Variants in GLIS3 observed in about 807,000 individuals in gnomAD.
GLIS3 encodes GLIS family zinc finger 3, also known as zinc finger protein GLIS3.
A neutral mutation model predicts 78.6 loss-of-function variants in GLIS3; 53 were observed. The ratio of observed to expected loss-of-function variants is 0.67; its 90% CI spans 0.54 to 0.85. GLIS3 has a LOEUF of 0.85. Ranked by LOEUF, GLIS3 falls within the 40% of genes least tolerant of loss-of-function variation. The pLI, the probability that GLIS3 is intolerant of heterozygous loss-of-function variation, is 0.00. For missense variants in GLIS3, 1,703 were observed against 1,231.1 expected (o/e 1.38, Z -5.74); for synonymous variants, 684 against 509.9 (o/e 1.34, Z -4.60).
the GLIS3 span, among the ~76,000 whole-genome samples, chr9:4,452,824 T>C: frequency 5.3e-5 from 8 of 151,622 alleles, no homozygotes; most frequent in Admixed American, 2.0e-4. Context: ...TTAAATTTCA[T>C]ATGGAACCAA....
At position 4,286,023 on chromosome 9, in the gene GLIS3, G is replaced by C. The variant is rs779098642; in HGVS notation, c.388+15C>G. 15 of 1,613,968 alleles carry C rather than the reference G, an allele frequency of 9.3e-6. No homozygotes were observed. In the South Asian group the frequency reaches 1.2e-4, roughly 13 times the overall value. On this transcript the variant is annotated intron_variant, in intron 2 of 10. Transcript: ENST00000381971. ...TCGTTTCCATTTTTAAAAGGTTCCA[G>C]AAAGACAATCCTACCTTTCCCAGGA...
the GLIS3 span, among the ~76,000 whole-genome samples, chr9:4,397,078 T>C: frequency 7.1e-5 from 10 of 140,926 alleles, no homozygotes; most frequent in Non-Finnish European, 1.2e-4. Context: ...CAGGCTGGAG[T>C]GCAGTGGCGC....
intron 4 of GLIS3, among the ~76,000 whole-genome samples, chr9:4,066,825 G>A (rs946181420): frequency 3.3e-5 from 5 of 152,294 alleles, no homozygotes; most frequent in African/African-American, 1.2e-4. Flanking sequence ...TTGCACTGCT[G>A]CAGCAGCATG....
intron 4 of GLIS3, among the ~76,000 whole-genome samples, chr9:4,028,188 T>C (rs1342101524): frequency 6.6e-6 from 1 of 152,186 alleles, no homozygotes; most frequent in Non-Finnish European, 1.5e-5. Context: ...AATGCACATA[T>C]AGGAGCCTAC....
chr9:4,368,602 C>T, the GLIS3 span, among the ~76,000 whole-genome samples: 6 of 152,176 alleles, frequency 3.9e-5, no homozygotes, highest in African/African-American at 1.2e-4. Flanking sequence ...CCACCCGCCT[C>T]GGCCTCCCAA....
At chr9:4,240,527 T>C (rs1823201757) in intron 2 of GLIS3, among the ~76,000 whole-genome samples, 1 of 152,074 alleles carries the variant, frequency 6.6e-6, no homozygotes, top group South Asian at 2.1e-4. Flanking sequence ...AAAAAAAAAC[T>C]AGTAAAAATT....
At chr9:3,889,568 AT>A (rs1257077995) in intron 7 of GLIS3, among the ~76,000 whole-genome samples, 8 of 152,226 alleles carry the variant, frequency 5.3e-5, no homozygotes, top group Non-Finnish European at 1.0e-4. Context: ...CTTATAATAC[AT>A]TCTCCTCTTT....
At chr9:4,343,283 A>G (rs1017690580) in intron 2 of GLIS3, among the ~76,000 whole-genome samples, 4 of 152,244 alleles carry the variant, frequency 2.6e-5, no homozygotes, top group African/African-American at 9.6e-5. Flanking sequence ...TCGAGGCTTC[A>G]GTAAGCTCTG....
rs1231345294 is a variant in GLIS3 at position 3,828,278 on chromosome 9, T to G, written c.2787A>C (p.Glu929Asp). The change falls in exon 11 of 11, where the codon GAA (glutamate) becomes GAC (aspartate). Residue 929 changes from glutamate to aspartate, a missense_variant. Physicochemically the swap from Glu to Asp is conservative, Grantham distance 45. Coordinates refer to ENST00000381971, the MANE Select transcript of GLIS3 (RefSeq NM_001042413.2). The part of the protein sequence containing the change: ...CPSQLSSVYT[E>D]G ...GGAGTGGCCAAGAGAGCTTTTAGCC[T>G]TCGGTGTAGACAGAGGAGAGCTGGC... 2 of 1,613,958 alleles carry G rather than the reference T, an allele frequency of 1.2e-6. No individual in the cohort carries two copies. Among genetic ancestry groups the G allele is most frequent in the African/African-American group, 1.3e-5 (1 of 74,920 alleles).
chr9:4,088,071 T>C (rs1006255323), intron 4 of GLIS3, among the ~76,000 whole-genome samples: 23 of 152,214 alleles, frequency 1.5e-4, no homozygotes, highest in Admixed American at 1.1e-3. Context: ...GGTGTGAGGA[T>C]AGCCATGGCA....
chr9:4,163,181 C>A (rs183237736), intron 2 of GLIS3, among the ~76,000 whole-genome samples: 1 of 152,270 alleles, frequency 6.6e-6, no homozygotes, highest in Non-Finnish European at 1.5e-5. Context: ...GAACACAGAT[C>A]TGCCTGGGTC....
At chr9:4,408,690 G>A in the GLIS3 span, among the ~76,000 whole-genome samples, 7 of 118,210 alleles carry the variant, frequency 5.9e-5, no homozygotes, top group South Asian at 1.1e-3. Flanking sequence ...TCACGCCACC[G>A]CACTCCAGCC....
At chr9:4,387,370 G>C in the GLIS3 span, among the ~76,000 whole-genome samples, 1 of 151,984 alleles carries the variant, frequency 6.6e-6, no homozygotes, top group African/African-American at 2.4e-5. Flanking sequence ...TACGGCCTTA[G>C]TGCCACTCTC....
chr9:4,132,809 C>T (rs558087552), intron 2 of GLIS3, among the ~76,000 whole-genome samples: 1 of 152,320 alleles, frequency 6.6e-6, no homozygotes, highest in African/African-American at 2.4e-5. Flanking sequence ...AACACACACA[C>T]AAGGTGTTAC....
the GLIS3 span, among the ~76,000 whole-genome samples, chr9:4,472,380 G>T: frequency 6.6e-6 from 1 of 152,186 alleles, no homozygotes; most frequent in Non-Finnish European, 1.5e-5. Context: ...ATGATAGACT[G>T]AATTAAGAAA....
chr9:4,036,276 T>G (rs1824297219), intron 4 of GLIS3, among the ~76,000 whole-genome samples: 1 of 152,232 alleles, frequency 6.6e-6, no homozygotes, highest in African/African-American at 2.4e-5. Flanking sequence ...AAATCTCTTT[T>G]TTTTTTCTCT....
chr9:4,454,592 G>A, the GLIS3 span, among the ~76,000 whole-genome samples: 2 of 152,134 alleles, frequency 1.3e-5, no homozygotes, highest in Non-Finnish European at 2.9e-5. Context: ...GATACTAGTG[G>A]ACACCTGTTA....
intron 4 of GLIS3, among the ~76,000 whole-genome samples, chr9:3,971,725 T>C (rs1238027289): frequency 6.6e-6 from 1 of 152,184 alleles, no homozygotes; most frequent in Non-Finnish European, 1.5e-5. Flanking sequence ...AAGCCTCTAA[T>C]AATAGTTCTT....
At chr9:4,296,928 TG>T (rs1816579329) in intron 1 of GLIS3, among the ~76,000 whole-genome samples, 1 of 116,462 alleles carries the variant, frequency 8.6e-6, no homozygotes, top group Non-Finnish European at 1.8e-5. Context: ...AAAAAAAAAA[TG>T]CATATAATCT....
Sources: gnomAD v4.1 joint callset for allele counts (sites outside exome capture counted in the v4.1 genomes callset) on GRCh38, gnomAD v4.1.1 for gene constraint, MANE v1.5 for transcripts, NCBI Gene and HGNC (gene_info 2026-07-23, HGNC 2026-07-21) for gene names.